The following PRKN variants were observed in gnomAD, a reference collection of about 807,000 sequenced individuals.
The protein encoded by PRKN is E3 ubiquitin-protein ligase parkin.
A neutral mutation model predicts 59.5 loss-of-function variants in PRKN; 56 were observed. The observed-to-expected ratio is 0.94, with a 90% CI of 0.76 to 1.18. PRKN has a LOEUF of 1.18. PRKN is among the 50% of genes most tolerant of loss of function. The pLI, the probability that PRKN is intolerant of heterozygous loss-of-function variation, is 0.00. For missense variants in PRKN, 657 were observed against 596.4 expected (o/e 1.10, Z -1.06); for synonymous variants, 250 against 222.1 (o/e 1.13, Z -1.12).
At chr6:161,916,919 A>G (rs986432382) in intron 6 of PRKN, among the ~76,000 whole-genome samples, 2 of 152,034 alleles carry the variant, frequency 1.3e-5, no homozygotes, top group Non-Finnish European at 2.9e-5. Flanking sequence ...CTCCTGCCCC[A>G]GCCTCCCGAG....
intron 4 of PRKN, among the ~76,000 whole-genome samples, chr6:162,102,270 T>C (rs535963086): frequency 6.6e-6 from 1 of 152,160 alleles, no homozygotes; most frequent in Non-Finnish European, 1.5e-5. Context: ...CTCCCACTTA[T>C]AAGTGAGAAG....
At chr6:161,972,381 C>T (rs1448423519) in intron 6 of PRKN, among the ~76,000 whole-genome samples, 1 of 151,814 alleles carries the variant, frequency 6.6e-6, no homozygotes, top group Non-Finnish European at 1.5e-5. Context: ...AAGCTAATTT[C>T]TTTTCTCTGT....
chr6:162,426,580 C>T (rs1789248414), intron 2 of PRKN, among the ~76,000 whole-genome samples: 1 of 152,174 alleles, frequency 6.6e-6, no homozygotes, highest in Non-Finnish European at 1.5e-5. Context: ...CCCCAAGTGG[C>T]TGGGACTACA....
intron 4 of PRKN, among the ~76,000 whole-genome samples, chr6:162,084,192 C>T (rs1227178755): frequency 6.6e-6 from 1 of 151,988 alleles, no homozygotes; most frequent in African/African-American, 2.4e-5. Flanking sequence ...TAGGTTGGTG[C>T]AAAAGATTTT....
At chr6:161,608,451 T>C (rs1782365664) in intron 7 of PRKN, among the ~76,000 whole-genome samples, 1 of 152,146 alleles carries the variant, frequency 6.6e-6, no homozygotes, top group Non-Finnish European at 1.5e-5. Flanking sequence ...GCATTAAACC[T>C]TCATTGATCT....
At chr6:161,762,381 T>C (rs1481915785) in intron 7 of PRKN, among the ~76,000 whole-genome samples, 1 of 152,136 alleles carries the variant, frequency 6.6e-6, no homozygotes. Context: ...AAAAGACAGA[T>C]GCACTAGAAA....
intron 2 of PRKN, among the ~76,000 whole-genome samples, chr6:162,360,233 G>A (rs766552077): frequency 7.9e-5 from 12 of 151,840 alleles, no homozygotes; most frequent in Admixed American, 1.3e-4. Context: ...TGCAACTTAC[G>A]GTCCATTTAT....
At chr6:162,276,707 C>CTGTGTG (rs34617876) in intron 2 of PRKN, among the ~76,000 whole-genome samples, 6 of 144,430 alleles carry the variant, frequency 4.2e-5, no homozygotes, top group East Asian at 2.0e-4. Flanking sequence ...GTGTGTGTGT[C>CTGTGTG]TGTGTGTGTG....
Position 161,349,988 on chromosome 6 carries a change from G to A in PRKN, c.*111C>T, listed in dbSNP as rs1784453423. On this transcript the variant is annotated 3_prime_UTR_variant, in exon 12 of 12. Coordinates refer to ENST00000366898, the MANE Select transcript of PRKN (RefSeq NM_004562.3). This position sits in a 1 kb window ranked among gnomAD's most constrained non-coding sequence, Gnocchi z 5.5. ...ACTTTGAAAAAAACTTGAAGAGTGT[G>A]TGTGCGCGCGCGCGCGTGTGTGTGT... The A allele has an allele frequency of 1.2e-5, 9 of 764,702 alleles. No homozygotes were observed. The highest frequency in any genetic ancestry group is 1.2e-4 in the South Asian group (8 of 68,512). The allele number at this position is 764,702 out of a possible 1,614,324, so 47.4% of individuals were successfully genotyped here. A position where few individuals can be genotyped will look rare whatever the true frequency, so the allele number is the denominator to read the frequency against.
chr6:162,223,661 A>ACACACACAC lies in PRKN; in HGVS notation c.413-22410_413-22409insGTGTGTGTG, dbSNP rs11452001. 4.3e-3 allele frequency among the ~76,000 whole-genome samples: 262 copies of ACACACACAC among 60,790 alleles called. 4 individuals are homozygous for ACACACACAC. The highest frequency in any genetic ancestry group is 0.017 in the African/African-American group (242 of 14,068). 39.9% of individuals were successfully genotyped at this position (60,790 alleles called of 152,430 possible). A position where few individuals can be genotyped will look rare whatever the true frequency, so the allele number is the denominator to read the frequency against. Reference sequence around the variant, plus strand: ...CACACACACACACACACACACACACAAACATAATGCTCCAGAAACAGCACA... The same window carrying ACACACACAC: ...CACACACACACACACACACACACACACACACACACAACATAATGCTCCAGAAACAGCACA... On this transcript the variant is annotated intron_variant, in intron 3 of 11. Transcript: ENST00000366898.
chr6:161,984,382 C>T (rs1266731702), intron 5 of PRKN, among the ~76,000 whole-genome samples: 5 of 152,080 alleles, frequency 3.3e-5, no homozygotes, highest in South Asian at 2.1e-4. Context: ...CTCAGCCTCC[C>T]GAGTAGCTGG....
chr6:161,618,339 A>C (rs1782769586), intron 7 of PRKN, among the ~76,000 whole-genome samples: 1 of 152,188 alleles, frequency 6.6e-6, no homozygotes, highest in South Asian at 2.1e-4. Flanking sequence ...TTCAATAAGC[A>C]ATGCACAAGG....
At chr6:162,387,645 T>C (rs564731301) in intron 2 of PRKN, among the ~76,000 whole-genome samples, 7 of 150,850 alleles carry the variant, frequency 4.6e-5, no homozygotes, top group Non-Finnish European at 8.8e-5. Flanking sequence ...CCTAAGGTTC[T>C]TAGCCAAGGT....
rs1380898753 is a variant in PRKN at position 161,757,871 on chromosome 6, C to CTCTCTCTCTCTCTCTGTGTG, written c.871+27900_871+27901insCACACAGAGAGAGAGAGAGA. On this transcript the variant is annotated intron_variant, in intron 7 of 11. Transcript: ENST00000366898. ...TCTCTCTCTCTCTCTCTCTCTCTCT[C>CTCTCTCTCTCTCTCTGTGTG]TGTGTATATATATATACACACACAC... 1.7e-3 allele frequency among the ~76,000 whole-genome samples: 167 copies of CTCTCTCTCTCTCTCTGTGTG among 97,976 alleles called. 2 individuals carry two copies. The highest frequency in any genetic ancestry group is 7.3e-3 in the East Asian group (24 of 3,280). The allele number at this position is 97,976 out of a possible 152,430, so 64.3% of individuals were successfully genotyped here. A position where few individuals can be genotyped will look rare whatever the true frequency, so the allele number is the denominator to read the frequency against.
chr6:161,367,972 C>T (rs944880876), intron 10 of PRKN, among the ~76,000 whole-genome samples: 6 of 152,208 alleles, frequency 3.9e-5, no homozygotes, highest in South Asian at 4.1e-4. Context: ...GGTTCAGAAT[C>T]GGAGCCCCGA....
Position 162,683,283 on chromosome 6 carries a change from C to A in PRKN, c.7+44379G>T, listed in dbSNP as rs535019984. Among the ~76,000 whole-genome samples, 18 of 152,224 alleles carry A rather than the reference C, an allele frequency of 1.2e-4. No individual in the cohort carries two copies. In the East Asian group the frequency reaches 3.3e-3, roughly 28 times the overall value. On this transcript the variant is annotated intron_variant, in intron 1 of 11. Coordinates refer to ENST00000366898, the MANE Select transcript of PRKN (RefSeq NM_004562.3). ...AACTTTAGTTCCTCAGTCATACTAACTACATTTTAAGAGGTCAATTGCCAT... is the reference window on the plus strand; with the variant it reads ...AACTTTAGTTCCTCAGTCATACTAAATACATTTTAAGAGGTCAATTGCCAT...
intron 9 of PRKN, among the ~76,000 whole-genome samples, chr6:161,515,708 TATC>T (rs1356039393): frequency 2.0e-5 from 3 of 152,244 alleles, no homozygotes; most frequent in African/African-American, 7.2e-5. Context: ...TCTACACACT[TATC>T]AACTACTACA....
intron 9 of PRKN, among the ~76,000 whole-genome samples, chr6:161,394,598 C>T (rs764798816): frequency 3.3e-5 from 5 of 152,174 alleles, no homozygotes; most frequent in African/African-American, 4.8e-5. Flanking sequence ...TGCGCGTGCA[C>T]GTAACCATCC....
chr6:161,796,056 T>C lies in PRKN; in HGVS notation c.735-10148A>G, dbSNP rs71567621. On this transcript the variant is annotated intron_variant, in intron 6 of 11. Coordinates refer to ENST00000366898, the MANE Select transcript of PRKN (RefSeq NM_004562.3). ...GGTTTATATAATATCCCAAGTGTGG[T>C]TGAATTGGGTTCCATTGTTTACAAC... Among the ~76,000 whole-genome samples the C allele has an allele frequency of 9.8e-3, 1,499 of 152,268 alleles. 28 individuals carry two copies. Among genetic ancestry groups the C allele is most frequent in the Non-Finnish European group, 0.016 (1,115 of 68,022 alleles).
Sources: allele counts gnomAD v4.1 joint callset (sites outside exome capture counted in the v4.1 genomes callset), GRCh38; gene constraint gnomAD v4.1.1; non-coding constraint Gnocchi (gnomAD v3.1); transcripts MANE v1.5; gene names NCBI Gene and HGNC (gene_info 2026-07-23, HGNC 2026-07-21).